TSBP1: variants seen among roughly 807,000 people sequenced by gnomAD.
The protein encoded by TSBP1 is testis expressed basic protein 1, also known as testis-expressed basic protein 1.
Under a neutral mutation model 68.8 loss-of-function variants are expected in TSBP1, and 56 were observed. That is an observed-to-expected ratio of 0.81 (90% CI 0.66 to 1.02). The LOEUF is 1.02. Among genes scored for constraint, TSBP1 ranks in the 50% least tolerant of loss-of-function variants. The pLI, the probability that TSBP1 is intolerant of heterozygous loss-of-function variation, is 0.00. For synonymous variants in TSBP1, 171 were observed against 208.7 expected, an observed-to-expected ratio of 0.82 and a Z score of 1.56; for missense variants, 502 against 641.2, an observed-to-expected ratio of 0.78 and a Z score of 2.34.
chr6:32,310,761 A>ATATATTTTTTTTTT, intron 19 of TSBP1, among the ~76,000 whole-genome samples: 1 of 144,834 alleles, frequency 6.9e-6, no homozygotes, highest in East Asian at 2.0e-4. Flanking sequence ...ATATATATAT[A>ATATATTTTTTTTTT]TTTTTAATCT....
chr6:32,370,137 A>G (rs1327920604), intron 1 of TSBP1, among the ~76,000 whole-genome samples, 154 bp from the exon 2 acceptor site: 1 of 151,652 alleles, frequency 6.6e-6, no homozygotes, highest in African/African-American at 2.4e-5. Flanking sequence ...GCCGCATATT[A>G]CTGTCCTCAC....
intron 6 of TSBP1, 108 bp from the exon 7 acceptor site, chr6:32,355,777 G>A: frequency 2.2e-6 from 3 of 1,343,852 alleles, no homozygotes; most frequent in Non-Finnish European, 2.0e-6. Flanking sequence ...TATCCAGTTA[G>A]GCAAGAAACT....
chr6:32,327,877 T>C lies in TSBP1; in HGVS notation c.514+2712A>G, dbSNP rs185525753. Among the ~76,000 whole-genome samples, 431 of 151,418 alleles carry C rather than the reference T, an allele frequency of 2.8e-3. 4 individuals are homozygous for C. The highest frequency in any genetic ancestry group is 9.9e-3 in the African/African-American group (409 of 41,298). ...CGTGATCTCGGCTTACTGCAAGCTC[T>C]GGCTCCTGGGTTCATGCCATTCTCC... On this transcript the variant is annotated intron_variant, in intron 16 of 22. Transcript: ENST00000612031.
chr6:32,295,188 T>A (rs1250243893), intron 22 of TSBP1, among the ~76,000 whole-genome samples: 1 of 151,674 alleles, frequency 6.6e-6, no homozygotes, highest in Non-Finnish European at 1.5e-5. Flanking sequence ...ATACAAAAAT[T>A]AGCCAGGCAT....
Position 32,337,976 on chromosome 6 carries a change from G to A in TSBP1, c.409+1003C>T, listed in dbSNP as rs1166280021. Reference sequence around the variant, plus strand: ...CCTTCAGAGTTAGTCCTGTCTCAGGGGCTCAAGCTCTGAACATCCTCAAAA... The same window carrying A: ...CCTTCAGAGTTAGTCCTGTCTCAGGAGCTCAAGCTCTGAACATCCTCAAAA... On this transcript the variant is annotated intron_variant, in intron 11 of 22. Transcript: ENST00000612031. This position sits in a 1 kb window ranked among gnomAD's most constrained non-coding sequence, Gnocchi z 5.5. Among the ~76,000 whole-genome samples, 1 of 152,020 alleles carries A rather than the reference G, an allele frequency of 6.6e-6. No individual in the cohort carries two copies. The highest frequency in any genetic ancestry group is 1.5e-5 in the Non-Finnish European group (1 of 68,002).
At chr6:32,322,375 T>C (rs974925549) in intron 18 of TSBP1, 111 bp downstream of exon 20, 1 of 771,938 alleles carries the variant, frequency 1.3e-6, no homozygotes, top group East Asian at 2.5e-5. Flanking sequence ...CTTGAAGACT[T>C]TGGGTAATGT....
intron 8 of TSBP1, among the ~76,000 whole-genome samples, chr6:32,353,408 A>T (rs1771924303): frequency 6.6e-6 from 1 of 152,004 alleles, no homozygotes; most frequent in Non-Finnish European, 1.5e-5. Context: ...ACCTTTCTGA[A>T]GAAAATTATA....
exon 23 of TSBP1, chr6:32,293,222 T>A: frequency 6.2e-7 from 1 of 1,612,928 alleles, no homozygotes; most frequent in Non-Finnish European, 8.5e-7. Context: ...TTGGGCTTCC[T>A]GTCCTTTTAG....
chr6:32,348,973 C>G (rs1771377532), intron 9 of TSBP1, among the ~76,000 whole-genome samples: 1 of 152,050 alleles, frequency 6.6e-6, no homozygotes, highest in Non-Finnish European at 1.5e-5. Context: ...ACTTCTCATT[C>G]TTCGAAGTTC....
intron 22 of TSBP1, among the ~76,000 whole-genome samples, chr6:32,297,215 C>T (rs1413090864): frequency 1.3e-5 from 2 of 152,108 alleles, no homozygotes; most frequent in South Asian, 2.1e-4. Context: ...AATCATCTAA[C>T]ACATACAGTG....
chr6:32,295,938 G>A (rs1486953883), intron 22 of TSBP1, among the ~76,000 whole-genome samples: 3 of 148,862 alleles, frequency 2.0e-5, no homozygotes, highest in Non-Finnish European at 3.0e-5. Context: ...TTTGCCTCCC[G>A]AGTTCAAGGG....
chr6:32,302,618 C>T lies in TSBP1; in HGVS notation c.592G>A (p.Val198Ile). The change falls in exon 20 of 23, where the codon GTT becomes ATT. Residue 198 changes from valine to isoleucine, a missense_variant. Physicochemically the swap from Val to Ile is conservative, Grantham distance 29. Transcript: ENST00000612031. The surrounding 1 kb of genome is among the most constrained non-coding windows in gnomAD (Gnocchi z 5.1). ...TATATTAGGAACTTACTAGTGTGAA[C>T]TTGAGGTATTCCTGAAAATCAAAAC... 6.4e-7 allele frequency: 1 copy of T among 1,550,576 alleles called. No homozygotes were observed. Among genetic ancestry groups the T allele is most frequent in the Non-Finnish European group, 8.7e-7 (1 of 1,152,276 alleles).
chr6:32,327,676 C>T (rs564951157), intron 16 of TSBP1, among the ~76,000 whole-genome samples: 1 of 74,062 alleles, frequency 1.4e-5, no homozygotes, highest in East Asian at 4.4e-4. Flanking sequence ...CTTTTTGAGA[C>T]AGAGTCTTGC....
chr6:32,328,094 G>T (rs2127594900), intron 16 of TSBP1, among the ~76,000 whole-genome samples: 2 of 151,676 alleles, frequency 1.3e-5, no homozygotes, highest in South Asian at 4.2e-4. Context: ...TGAGCCACCA[G>T]TGCGCCGGGC....
rs916151017 is a variant in TSBP1, at chr6:32,325,115, G to C, written c.515-1501C>G. On this transcript the variant is annotated intron_variant, in intron 16 of 22. Transcript: ENST00000612031. The surrounding 1 kb of genome is among the most constrained non-coding windows in gnomAD (Gnocchi z 4.4). ...TTTCTCAGGTCTTTATTTTTTATGC[G>C]AGTCAGTGAATGTTCTAGAAACTTA... The C allele has an allele frequency of 8.7e-6, 4 of 461,808 alleles. No individual in the cohort carries two copies. The highest frequency in any genetic ancestry group is 8.0e-5 in the African/African-American group (4 of 49,840). 28.6% of individuals were successfully genotyped at this position (461,808 alleles called of 1,614,324 possible).
At chr6:32,367,888 C>G in intron 4 of TSBP1, 37 bp downstream of exon 4, 1 of 1,490,698 alleles carries the variant, frequency 6.7e-7, no homozygotes. Context: ...AGAGTATATT[C>G]CTTCATTAAC....
At chr6:32,356,033 A>C (rs1772282083) in intron 6 of TSBP1, among the ~76,000 whole-genome samples, 1 of 152,228 alleles carries the variant, frequency 6.6e-6, no homozygotes, top group South Asian at 2.1e-4. Flanking sequence ...ATGAATGCAA[A>C]TGTGTATATT....
intron 16 of TSBP1, among the ~76,000 whole-genome samples, chr6:32,329,143 G>C (rs924466992): frequency 1.3e-5 from 2 of 152,086 alleles, no homozygotes; most frequent in African/African-American, 4.8e-5. Flanking sequence ...TTATAACTTA[G>C]GGGAAAGCTA....
intron 4 of TSBP1, 83 bp from the exon 5 acceptor site, chr6:32,366,385 A>G (rs1161650441): frequency 8.0e-7 from 1 of 1,246,262 alleles, no homozygotes; most frequent in Non-Finnish European, 1.2e-6. Context: ...AAATCTGTTT[A>G]CCTCTTCCTC....
Sources: gnomAD v4.1 joint callset for allele counts (sites outside exome capture counted in the v4.1 genomes callset) on GRCh38, gnomAD v4.1.1 for gene constraint, Gnocchi (gnomAD v3.1) non-coding constraint, MANE v1.5 for transcripts, NCBI Gene and HGNC (gene_info 2026-07-23, HGNC 2026-07-21) for gene names.